The following REV3L variants were observed in gnomAD, a reference collection of about 807,000 sequenced individuals.
REV3L encodes the protein REV3 like, DNA directed polymerase zeta catalytic subunit, also known as DNA polymerase zeta catalytic subunit.
In REV3L, 69 loss-of-function variants were observed where a neutral mutation model predicts 299.4. The ratio of observed to expected loss-of-function variants is 0.23; its 90% CI spans 0.19 to 0.28. REV3L has a LOEUF of 0.28. Among genes scored for constraint, REV3L ranks in the 10% least tolerant of loss-of-function variants. The probability of loss-of-function intolerance (pLI) is 1.00; values close to 1 mark genes in which losing one functional copy is unlikely to be tolerated. For missense variants in REV3L, 3,128 were observed against 3,693.8 expected (o/e 0.85, Z 3.97); for synonymous variants, 1,238 against 1,271.4 (o/e 0.97, Z 0.56).
chr6:111,310,694 A>G (rs983935470), intron 29 of REV3L: 3 of 169,680 alleles, frequency 1.8e-5, no homozygotes, highest in Non-Finnish European at 2.5e-5. Flanking sequence ...AGAACTAACT[A>G]TCATTAAATC....
chr6:111,359,676 A>G (rs1215867531), intron 16 of REV3L, among the ~76,000 whole-genome samples: 2 of 152,170 alleles, frequency 1.3e-5, no homozygotes, highest in East Asian at 3.8e-4. Context: ...TTTTAACTGT[A>G]ATTCTTAGTT....
intron 1 of REV3L, among the ~76,000 whole-genome samples, chr6:111,423,046 T>C (rs1386526345): frequency 1.3e-5 from 2 of 152,158 alleles, no homozygotes; most frequent in African/African-American, 4.8e-5. Context: ...GTGCAGGGTA[T>C]AGTTGGTTCC....
At chr6:111,409,078 A>C (rs1783958513) in intron 3 of REV3L, among the ~76,000 whole-genome samples, 1 of 152,270 alleles carries the variant, frequency 6.6e-6, no homozygotes, top group Non-Finnish European at 1.5e-5. Context: ...TAGTGAGAAA[A>C]GAAACATTGT....
At chr6:111,453,159 A>G (rs1232003275) in intron 1 of REV3L, among the ~76,000 whole-genome samples, 6 of 152,192 alleles carry the variant, frequency 3.9e-5, no homozygotes, top group Non-Finnish European at 1.5e-5. Flanking sequence ...ACAGGCATCA[A>G]CATATTTCTG....
At position 111,376,147 on chromosome 6, in the gene REV3L, G is replaced by A. The variant is rs1780280984; in HGVS notation, c.2208C>T (p.Phe736=). ...CACAATTTTCAGTAAATGATGAAGG[G>A]AATAAACTACTCAGAGCTGTGCTGT... ...KGNSTALSSL[F]PSSFTENCEL... The change falls in exon 13 of 32, where the codon TTC becomes TTT. Residue 736 remains phenylalanine (F), a synonymous_variant. Transcript: ENST00000368802. 5.0e-6 allele frequency: 8 copies of A among 1,612,590 alleles called. No individual in the cohort carries two copies. The highest frequency in any genetic ancestry group is 6.8e-6 in the Non-Finnish European group (8 of 1,179,898).
intron 1 of REV3L, among the ~76,000 whole-genome samples, chr6:111,470,211 C>A (rs934225458): frequency 1.5e-5 from 2 of 131,380 alleles, no homozygotes; most frequent in Non-Finnish European, 3.3e-5. Flanking sequence ...CACACACACA[C>A]AAATGTGAAT....
At chr6:111,464,118 A>G (rs186979904) in intron 1 of REV3L, among the ~76,000 whole-genome samples, 1 of 147,814 alleles carries the variant, frequency 6.8e-6, no homozygotes. Flanking sequence ...ACAAAAATTT[A>G]AAAAAAAAAA....
intron 31 of REV3L, among the ~76,000 whole-genome samples, chr6:111,306,608 C>T (rs1234999135): frequency 1.3e-5 from 2 of 152,188 alleles, no homozygotes; most frequent in Non-Finnish European, 2.9e-5. Context: ...GGCCACTTAG[C>T]AGTGTAACAT....
intron 21 of REV3L, among the ~76,000 whole-genome samples, chr6:111,341,038 GCTT>G (rs1776427563): frequency 1.3e-5 from 1 of 76,462 alleles, no homozygotes; most frequent in African/African-American, 3.3e-5. Flanking sequence ...TTTCTCCTCA[GCTT>G]TTTTTTTTTT....
intron 1 of REV3L, among the ~76,000 whole-genome samples, chr6:111,472,572 C>CA (rs1387445876): frequency 2.7e-5 from 4 of 150,120 alleles, no homozygotes; most frequent in African/African-American, 9.8e-5. Context: ...ATAGAATTGG[C>CA]CAAAAAAGAA....
rs1169909611 is a variant in REV3L, at chr6:111,374,189, A to G, written c.4166T>C (p.Ile1389Thr). 1 of 1,614,050 alleles carries G rather than the reference A, an allele frequency of 6.2e-7. No homozygotes were observed. The highest frequency in any genetic ancestry group is 1.7e-5 in the Admixed American group (1 of 60,014). ...GATTGATGACAAATAGTTTCTTTGT[A>G]TATTATTTGCATTATCTTCTATCTT... ...SSKIEDNANNIQRNYLSSIGK... is the reference protein window; with the variant it reads ...SSKIEDNANNTQRNYLSSIGK... Residue 1389 changes from isoleucine (I) to threonine (T), a missense_variant, in exon 13 of 32, where the codon ATA becomes ACA. Transcript: ENST00000368802.
chr6:111,470,814 T>C (rs1792107609), intron 1 of REV3L, among the ~76,000 whole-genome samples: 1 of 152,058 alleles, frequency 6.6e-6, no homozygotes, highest in Admixed American at 6.6e-5. Flanking sequence ...ATTCCATCTC[T>C]ACTAAAAATA....
chr6:111,400,655 C>T (rs116670293), intron 4 of REV3L, among the ~76,000 whole-genome samples: 4,336 of 152,168 alleles, frequency 0.028, 75 homozygotes, highest in South Asian at 0.079. Flanking sequence ...TCTCCCAGTC[C>T]ATGACTTGTC....
chr6:111,379,728 C>T (rs572130738), intron 11 of REV3L, among the ~76,000 whole-genome samples: 1 of 152,272 alleles, frequency 6.6e-6, no homozygotes, highest in African/African-American at 2.4e-5. Context: ...TTATCACTCA[C>T]ATATGTTAAT....
chr6:111,347,747 G>A (rs1777170315), intron 20 of REV3L, among the ~76,000 whole-genome samples: 6 of 152,108 alleles, frequency 3.9e-5, no homozygotes. Flanking sequence ...GTGTGGTGGT[G>A]CAATCTCAGT....
chr6:111,407,185 A>G (rs1481797928), intron 3 of REV3L, among the ~76,000 whole-genome samples: 1 of 152,196 alleles, frequency 6.6e-6, no homozygotes, highest in East Asian at 1.9e-4. Context: ...CCACTCGGCT[A>G]TTCCATCTAT....
chr6:111,471,613 A>G (rs987939959), intron 1 of REV3L, among the ~76,000 whole-genome samples: 2 of 152,228 alleles, frequency 1.3e-5, no homozygotes, highest in African/African-American at 4.8e-5. Flanking sequence ...TTCAATCATA[A>G]TAATGCTATG....
chr6:111,389,024 G>A, intron 7 of REV3L, 82 bp downstream of exon 7: 1 of 1,019,782 alleles, frequency 9.8e-7, no homozygotes, highest in Non-Finnish European at 1.5e-6. Flanking sequence ...AAAATCTAAT[G>A]TCAAAGGAAC....
At chr6:111,457,475 G>A (rs949935929) in intron 1 of REV3L, among the ~76,000 whole-genome samples, 14 of 150,722 alleles carry the variant, frequency 9.3e-5, no homozygotes, top group African/African-American at 3.4e-4. Context: ...TTTTAGTTGG[G>A]AAAAAGATTA....
Sources: allele counts gnomAD v4.1 joint callset (sites outside exome capture counted in the v4.1 genomes callset), GRCh38; gene constraint gnomAD v4.1.1; transcripts MANE v1.5; gene names NCBI Gene and HGNC (gene_info 2026-07-23, HGNC 2026-07-21).